Variants in LRRFIP2 observed in about 807,000 individuals in gnomAD.
LRRFIP2 encodes the protein leucine-rich repeat flightless-interacting protein 2.
In LRRFIP2, 109 loss-of-function variants were observed where a neutral mutation model predicts 125.9. The ratio of observed to expected loss-of-function variants is 0.87; its 90% CI spans 0.74 to 1.01. LRRFIP2 has a LOEUF of 1.01. Among genes scored for constraint, LRRFIP2 ranks in the 50% least tolerant of loss-of-function variants. The pLI, the probability that LRRFIP2 is intolerant of heterozygous loss-of-function variation, is 0.00. For missense variants in LRRFIP2, 850 were observed against 862.3 expected (o/e 0.99, Z 0.18); for synonymous variants, 291 against 293.1 (o/e 0.99, Z 0.07).
At chr3:37,120,526 C>T (rs1016172594) in intron 6 of LRRFIP2, among the ~76,000 whole-genome samples, 3 of 151,834 alleles carry the variant, frequency 2.0e-5, no homozygotes, top group African/African-American at 7.3e-5. Context: ...GCCTGGAGAA[C>T]ATTCACCAAG....
At chr3:37,115,989 AT>A (rs1559914331) in intron 6 of LRRFIP2, among the ~76,000 whole-genome samples, 5 of 152,242 alleles carry the variant, frequency 3.3e-5, no homozygotes, top group African/African-American at 9.6e-5. Context: ...TAATTGTTTG[AT>A]AAAAATATCT....
intron 15 of LRRFIP2, among the ~76,000 whole-genome samples, chr3:37,096,951 T>A (rs1576495114): frequency 6.6e-6 from 1 of 152,052 alleles, no homozygotes; most frequent in East Asian, 1.9e-4. Flanking sequence ...AGGCTACATA[T>A]AAAGTTTTAG....
At chr3:37,088,376 A>G (rs755456634) in intron 18 of LRRFIP2, among the ~76,000 whole-genome samples, 1 of 152,118 alleles carries the variant, frequency 6.6e-6, no homozygotes, top group Non-Finnish European at 1.5e-5. Context: ...AGGCATGGGC[A>G]ATATTTAAAA....
chr3:37,077,584 A>G (rs1325141242), intron 19 of LRRFIP2, among the ~76,000 whole-genome samples: 1 of 152,168 alleles, frequency 6.6e-6, no homozygotes, highest in African/African-American at 2.4e-5. Context: ...TTAAAATTTA[A>G]AATTCCCTAA....
chr3:37,054,644 C>T, intron 26 of LRRFIP2, 129 bp from the exon 27 acceptor site: 3 of 649,164 alleles, frequency 4.6e-6, no homozygotes, highest in South Asian at 2.1e-5. Flanking sequence ...AAGGGTGACT[C>T]ATAAGTCCTC....
At chr3:37,144,019 C>T (rs1353078115) in intron 2 of LRRFIP2, 1 of 152,438 alleles carries the variant, frequency 6.6e-6, no homozygotes, top group Admixed American at 6.5e-5. Context: ...ACTGTCATCG[C>T]ACTTCAGTTT....
At chr3:37,089,873 G>C (rs955586106) in intron 18 of LRRFIP2, among the ~76,000 whole-genome samples, 1 of 152,128 alleles carries the variant, frequency 6.6e-6, no homozygotes, top group Non-Finnish European at 1.5e-5. Flanking sequence ...AAATCCTGAA[G>C]ATTAAAGGAG....
chr3:37,167,556 A>C (rs1250593516), intron 1 of LRRFIP2, among the ~76,000 whole-genome samples: 2 of 151,856 alleles, frequency 1.3e-5, no homozygotes, highest in Non-Finnish European at 2.9e-5. Context: ...TGGGAGGCTA[A>C]GGCAGGAGAA....
chr3:37,133,731 T>A (rs923852716), intron 2 of LRRFIP2, among the ~76,000 whole-genome samples: 2 of 152,136 alleles, frequency 1.3e-5, no homozygotes, highest in African/African-American at 4.8e-5. Context: ...GATGGCTGCA[T>A]GACAATGCAA....
rs114753648 is a variant in LRRFIP2, at chr3:37,094,395, A to G, written c.1035+397T>C. On this transcript the variant is annotated intron_variant, in intron 17 of 27. Coordinates refer to ENST00000336686, the MANE Select transcript of LRRFIP2 (RefSeq NM_006309.4). Reference sequence around the variant, plus strand: ...TACTATGAAAAACTGAGAGATAACTATATTCAAGCAGCTGAATACCATCAA... The same window carrying G: ...TACTATGAAAAACTGAGAGATAACTGTATTCAAGCAGCTGAATACCATCAA... Among the ~76,000 whole-genome samples the G allele has an allele frequency of 6.5e-3, 984 of 152,346 alleles. 9 individuals carry two copies. The highest frequency in any genetic ancestry group is 0.022 in the African/African-American group (931 of 41,590).
At chr3:37,126,737 T>G (rs2095288813) in intron 4 of LRRFIP2, among the ~76,000 whole-genome samples, 1 of 151,776 alleles carries the variant, frequency 6.6e-6, no homozygotes, top group Admixed American at 6.6e-5. Flanking sequence ...CGGGCGCCTG[T>G]AATCCCAGCT....
chr3:37,163,046 T>C (rs2096388532), intron 1 of LRRFIP2, among the ~76,000 whole-genome samples: 1 of 152,256 alleles, frequency 6.6e-6, no homozygotes, highest in Admixed American at 6.5e-5. Flanking sequence ...ATATTTACCG[T>C]AGTATCTTGT....
intron 19 of LRRFIP2, 68 bp downstream of exon 19, chr3:37,083,568 C>G: frequency 8.4e-7 from 1 of 1,188,244 alleles, no homozygotes; most frequent in Non-Finnish European, 1.2e-6. Flanking sequence ...ATGCTGCAAT[C>G]TTCCATCACT....
chr3:37,099,997 A>G (rs2093931679), intron 15 of LRRFIP2, among the ~76,000 whole-genome samples: 1 of 151,980 alleles, frequency 6.6e-6, no homozygotes, highest in African/African-American at 2.4e-5. Context: ...TGAAAGTGGG[A>G]GGGGAGGGAG....
chr3:37,148,159 C>T (rs1056901693), intron 2 of LRRFIP2, among the ~76,000 whole-genome samples: 5 of 151,984 alleles, frequency 3.3e-5, no homozygotes, highest in Non-Finnish European at 5.9e-5. Flanking sequence ...AGTTTACATT[C>T]GAAAGATTAA....
At chr3:37,112,887 T>C (rs772210613) in intron 8 of LRRFIP2, 28 bp downstream of exon 8, 4 of 1,360,538 alleles carry the variant, frequency 2.9e-6, no homozygotes, top group Non-Finnish European at 4.1e-6. Context: ...ACTTCGTGAA[T>C]TGTGATATGA....
intron 17 of LRRFIP2, among the ~76,000 whole-genome samples, chr3:37,094,558 T>C (rs563655132): frequency 4.6e-5 from 7 of 152,278 alleles, no homozygotes; most frequent in Non-Finnish European, 1.0e-4. Context: ...ATTTGTAAAT[T>C]AGCAGAAATT....
At chr3:37,139,573 T>C (rs537491706) in intron 2 of LRRFIP2, among the ~76,000 whole-genome samples, 8 of 152,122 alleles carry the variant, frequency 5.3e-5, no homozygotes, top group Non-Finnish European at 8.8e-5. Flanking sequence ...TTCCCTTCTT[T>C]CTTACTTTCC....
intron 1 of LRRFIP2, among the ~76,000 whole-genome samples, chr3:37,158,971 C>G (rs906302058): frequency 6.6e-6 from 1 of 152,162 alleles, no homozygotes; most frequent in Admixed American, 6.5e-5. Context: ...AGAGAAGGTA[C>G]TCTGAAGCAC....
Sources: allele counts gnomAD v4.1 joint callset (sites outside exome capture counted in the v4.1 genomes callset), GRCh38; gene constraint gnomAD v4.1.1; transcripts MANE v1.5; gene names NCBI Gene and HGNC (gene_info 2026-07-23, HGNC 2026-07-21).